Variants in FAM171A1 observed in about 807,000 individuals in gnomAD.
FAM171A1 encodes family with sequence similarity 171 member A1.
A neutral mutation model predicts 74.9 loss-of-function variants in FAM171A1; 23 were observed. The ratio of observed to expected loss-of-function variants is 0.31; its 90% confidence interval spans 0.22 to 0.44. The LOEUF (loss-of-function observed/expected upper bound fraction) is 0.44. FAM171A1 is among the 20% of genes least tolerant of loss of function. The pLI, the probability that FAM171A1 is intolerant of heterozygous loss-of-function variation, is 1.00. For synonymous variants in FAM171A1, 527 were observed against 505.7 expected (o/e 1.04, Z -0.57); for missense variants, 1,162 against 1,159.2 (o/e 1.00, Z -0.03).
chr10:15,356,932 C>T (rs1368316654), intron 1 of FAM171A1, among the ~76,000 whole-genome samples: 4 of 151,492 alleles, frequency 2.6e-5, no homozygotes, highest in Non-Finnish European at 5.9e-5. Context: ...GATCATGCCA[C>T]TGCCCTCCAG....
intron 1 of FAM171A1, among the ~76,000 whole-genome samples, chr10:15,357,095 G>A (rs2352781): frequency 0.094 from 14,320 of 151,950 alleles, 766 homozygotes; most frequent in Middle Eastern, 0.16. Flanking sequence ...TCTGGCCAGC[G>A]TGGGGAAACC....
intron 1 of FAM171A1, among the ~76,000 whole-genome samples, chr10:15,310,519 T>C (rs995358946): frequency 2.6e-5 from 4 of 152,130 alleles, no homozygotes; most frequent in African/African-American, 9.7e-5. Context: ...CAATACCAAA[T>C]GTTCTCTCCA....
At chr10:15,371,375 G>A (rs1248624617), upstream of FAM171A1, among the ~76,000 whole-genome samples, 1 of 146,078 alleles carries the variant, frequency 6.8e-6, no homozygotes, top group Non-Finnish European at 1.5e-5. Context: ...CTGCGGCGCC[G>A]AGGGCGCCCC....
At chr10:15,263,721 ATCTATCTATCTATCTGTCTG>A (rs1350227033) in intron 3 of FAM171A1, among the ~76,000 whole-genome samples, 4 of 108,840 alleles carry the variant, frequency 3.7e-5, no homozygotes, top group Admixed American at 9.5e-5. Flanking sequence ...TATCCTATCA[ATCTATCTATCTATCTGTCTG>A]TCTATCTATC....
chr10:15,252,235 AGATG>A (rs1262120673), intron 4 of FAM171A1, among the ~76,000 whole-genome samples: 4 of 152,154 alleles, frequency 2.6e-5, no homozygotes, highest in Non-Finnish European at 4.4e-5. Flanking sequence ...TAGAAAGAGA[AGATG>A]CTTCTCCACT....
intron 1 of FAM171A1, among the ~76,000 whole-genome samples, chr10:15,323,224 G>T (rs531969265): frequency 6.6e-6 from 1 of 151,924 alleles, no homozygotes; most frequent in Non-Finnish European, 1.5e-5. Context: ...GGAGGTTGAG[G>T]CAGGTGGATC....
At chr10:15,297,449 G>A (rs1835174701) in intron 1 of FAM171A1, among the ~76,000 whole-genome samples, 1 of 152,112 alleles carries the variant, frequency 6.6e-6, no homozygotes, top group African/African-American at 2.4e-5. Flanking sequence ...ATAAACTTCT[G>A]TCTTGGCAGT....
At chr10:15,341,064 G>A (rs1295066496) in intron 1 of FAM171A1, among the ~76,000 whole-genome samples, 1 of 152,210 alleles carries the variant, frequency 6.6e-6, no homozygotes, top group Non-Finnish European at 1.5e-5. Context: ...ACACCTACAA[G>A]TGATAGTGAG....
intron 5 of FAM171A1, among the ~76,000 whole-genome samples, chr10:15,243,799 GTATACAT>G (rs765616780): frequency 0.69 from 104,521 of 151,814 alleles, 36,300 homozygotes; most frequent in South Asian, 0.84. Context: ...TACAGTCAAT[GTATACAT>G]TGACTGAGCA....
intron 3 of FAM171A1, among the ~76,000 whole-genome samples, chr10:15,270,310 G>T (rs1390113353): frequency 1.3e-5 from 2 of 152,204 alleles, no homozygotes; most frequent in Non-Finnish European, 2.9e-5. Context: ...TGAACTGCAA[G>T]GTGGTAGCAA....
upstream of FAM171A1, among the ~76,000 whole-genome samples, chr10:15,374,263 A>C (rs79733051): frequency 0.017 from 2,569 of 152,274 alleles, 38 homozygotes; most frequent in Non-Finnish European, 0.029. Context: ...TGTGAAAGAG[A>C]AAGAGGTTAA....
At chr10:15,350,208 T>A (rs1474646143) in intron 1 of FAM171A1, among the ~76,000 whole-genome samples, 3 of 152,204 alleles carry the variant, frequency 2.0e-5, no homozygotes, top group Non-Finnish European at 4.4e-5. Context: ...GAATACTTCA[T>A]AAACTTAGAC....
chr10:15,306,006 C>T (rs1471581543), intron 1 of FAM171A1, among the ~76,000 whole-genome samples: 2 of 152,154 alleles, frequency 1.3e-5, no homozygotes, highest in African/African-American at 4.8e-5. Context: ...ATCATCAGAA[C>T]GGGGTCTGAC....
At chr10:15,265,177 C>A (rs545243561) in intron 3 of FAM171A1, among the ~76,000 whole-genome samples, 1 of 152,064 alleles carries the variant, frequency 6.6e-6, no homozygotes, top group Non-Finnish European at 1.5e-5. Flanking sequence ...TCTTACTCCT[C>A]GGGCCGATTT....
At chr10:15,348,588 C>T (rs1376315838) in intron 1 of FAM171A1, among the ~76,000 whole-genome samples, 2 of 152,202 alleles carry the variant, frequency 1.3e-5, no homozygotes. Flanking sequence ...CTCTCTGTTC[C>T]TAACCATCAA....
Position 15,283,935 on chromosome 10 carries a change from C to T in FAM171A1, c.268G>A (p.Ala90Thr), listed in dbSNP as rs191343270. The T allele has an allele frequency of 1.7e-4, 273 of 1,614,146 alleles. No individual in the cohort carries two copies. The highest frequency in any genetic ancestry group is 2.1e-4 in the Non-Finnish European group (243 of 1,180,022). ...YKLGSQLIVTASKHAYVPNSA... is the reference protein window; with the variant it reads ...YKLGSQLIVTTSKHAYVPNSA... ...TTTGGCACGTAGGCATGCTTCGAGGCGGTGACAATCAACTGACTGCCCAGC... is the reference window on the plus strand; with the variant it reads ...TTTGGCACGTAGGCATGCTTCGAGGTGGTGACAATCAACTGACTGCCCAGC... The change falls in exon 2 of 8, where the codon GCC becomes ACC. Residue 90 changes from alanine to threonine, a missense_variant. Physicochemically the swap from Ala to Thr is moderately conservative, Grantham distance 58. Transcript: ENST00000378116.
intron 1 of FAM171A1, among the ~76,000 whole-genome samples, chr10:15,295,103 A>AT (rs980166543): frequency 4.0e-5 from 6 of 151,898 alleles, no homozygotes; most frequent in East Asian, 1.9e-4. Context: ...ATTTATTTTT[A>AT]TTTTTTTATT....
chr10:15,246,128 C>T (rs1834430675), intron 5 of FAM171A1, among the ~76,000 whole-genome samples: 1 of 151,988 alleles, frequency 6.6e-6, no homozygotes, highest in Admixed American at 6.6e-5. Context: ...ATAAAGTGCC[C>T]GTCTCGCTTA....
intron 3 of FAM171A1, among the ~76,000 whole-genome samples, chr10:15,258,535 A>G (rs1454682741): frequency 1.3e-5 from 2 of 152,138 alleles, no homozygotes; most frequent in African/African-American, 4.8e-5. Flanking sequence ...GAACAATAAC[A>G]AGCAAACATT....
Sources: allele counts gnomAD v4.1 joint callset (sites outside exome capture counted in the v4.1 genomes callset), GRCh38; gene constraint gnomAD v4.1.1; transcripts MANE v1.5; gene names NCBI Gene and HGNC (gene_info 2026-07-23, HGNC 2026-07-21).